TRDMT1: variants seen among roughly 807,000 people sequenced by gnomAD.
The protein encoded by TRDMT1 is tRNA aspartic acid methyltransferase 1, also known as tRNA (cytosine(38)-C(5))-methyltransferase.
Under a neutral mutation model 51.2 loss-of-function variants are expected in TRDMT1, and 49 were observed. The observed-to-expected ratio is 0.96, with a 90% CI of 0.76 to 1.21. TRDMT1 has a LOEUF of 1.21. Ranked by LOEUF, TRDMT1 falls within the 50% of genes most tolerant of loss-of-function variation. The probability of loss-of-function intolerance (pLI) is 0.00; values close to 1 mark genes in which losing one functional copy is unlikely to be tolerated. For synonymous variants in TRDMT1, 187 were observed against 164.6 expected (o/e 1.14, Z -1.04); for missense variants, 534 against 462.3 (o/e 1.16, Z -1.42).
intron 10 of TRDMT1, chr10:17,153,268 C>A (rs984410399): frequency 1.1e-5 from 6 of 527,618 alleles, no homozygotes; most frequent in Non-Finnish European, 2.0e-5. Flanking sequence ...ACCCTTCTAG[C>A]CATGCCAACC....
At chr10:17,165,488 G>A (rs1258048971) in intron 3 of TRDMT1, among the ~76,000 whole-genome samples, 1 of 152,110 alleles carries the variant, frequency 6.6e-6, no homozygotes, top group African/African-American at 2.4e-5. Context: ...AACACCAAAA[G>A]CAATGGCAAC....
chr10:17,151,919 G>A, intron 10 of TRDMT1: 1 of 1,149,060 alleles, frequency 8.7e-7, no homozygotes, highest in Non-Finnish European at 1.1e-6. Flanking sequence ...GGTTAAGGTG[G>A]GGCTGGGATA....
chr10:17,193,713 T>C (rs555091598), intron 1 of TRDMT1, among the ~76,000 whole-genome samples: 2 of 152,260 alleles, frequency 1.3e-5, no homozygotes, highest in African/African-American at 2.4e-5. Context: ...AAAATCAATG[T>C]TGTTAAAATG....
At chr10:17,169,526 G>A (rs1401961838) in intron 2 of TRDMT1, 1 of 1,289,674 alleles carries the variant, frequency 7.8e-7, no homozygotes, top group African/African-American at 1.5e-5. Context: ...AAACTGTGCT[G>A]TGTTGCTCCT....
At position 17,146,098 on chromosome 10, in the gene TRDMT1, C is replaced by T; in HGVS notation, c.*2942G>A. 1.0e-6 allele frequency: 1 copy of T among 985,410 alleles called. No individual in the cohort carries two copies. The highest frequency in any genetic ancestry group is 1.2e-6 in the Non-Finnish European group (1 of 829,926). 61.0% of individuals were successfully genotyped at this position (985,410 alleles called of 1,614,324 possible). ...ATGGTAGCAATACAGCCTTTCAGGG[C>T]AACTTAAAAGCCTCTCTACTAAATA... On this transcript the variant is annotated 3_prime_UTR_variant, in exon 11 of 11. Coordinates refer to ENST00000377799, the MANE Select transcript of TRDMT1 (RefSeq NM_004412.7).
At chr10:17,165,949 G>T (rs2131464557) in intron 3 of TRDMT1, among the ~76,000 whole-genome samples, 1 of 149,212 alleles carries the variant, frequency 6.7e-6, no homozygotes, top group South Asian at 2.1e-4. Context: ...CAACCATTGT[G>T]GAAGTCAGTG....
rs1009478114 is a variant in TRDMT1, at chr10:17,139,913, G to A, written c.*9127C>T. 2.0e-5 allele frequency among the ~76,000 whole-genome samples: 3 copies of A among 151,688 alleles called. No individual in the cohort carries two copies. Among genetic ancestry groups the A allele is most frequent in the East Asian group, 1.9e-4 (1 of 5,192 alleles). On this transcript the variant is annotated 3_prime_UTR_variant, in exon 11 of 11. Transcript: ENST00000377799. ...TAGTGACTTGGACCATATTTGTTACGGAAGTACTGCTAAATCAAGCTTTGT... is the reference window on the plus strand; with the variant it reads ...TAGTGACTTGGACCATATTTGTTACAGAAGTACTGCTAAATCAAGCTTTGT...
At chr10:17,160,464 G>T in intron 5 of TRDMT1, 90 bp from the exon 6 acceptor site, 1 of 905,116 alleles carries the variant, frequency 1.1e-6, no homozygotes. Context: ...TCTTTTGTTT[G>T]TTTTCTTGTT....
Position 17,148,673 on chromosome 10 carries a change from T to C in TRDMT1, c.*367A>G. Reference sequence around the variant, plus strand: ...AATTAGAAATAAAAAACTTCTTTAATTAACATAAAAATATGTTATGCCTGT... The same window carrying C: ...AATTAGAAATAAAAAACTTCTTTAACTAACATAAAAATATGTTATGCCTGT... On this transcript the variant is annotated 3_prime_UTR_variant, in exon 11 of 11. Coordinates refer to ENST00000377799, the MANE Select transcript of TRDMT1 (RefSeq NM_004412.7). The C allele has an allele frequency of 5.7e-6, 5 of 877,616 alleles. No homozygotes were observed. The highest frequency in any genetic ancestry group is 6.7e-6 in the Non-Finnish European group (5 of 746,522). The allele number at this position is 877,616 out of a possible 1,614,324, so 54.4% of individuals were successfully genotyped here.
At position 17,146,943 on chromosome 10, in the gene TRDMT1, G is replaced by A. The variant is rs2131360930; in HGVS notation, c.*2097C>T. The A allele has an allele frequency of 1.0e-6, 1 of 985,380 alleles. No individual in the cohort carries two copies. The highest frequency in any genetic ancestry group is 1.1e-4 in the East Asian group (1 of 8,820). The allele number at this position is 985,380 out of a possible 1,614,324, so 61.0% of individuals were successfully genotyped here. A position where few individuals can be genotyped will look rare whatever the true frequency, so the allele number is the denominator to read the frequency against. Reference sequence around the variant, plus strand: ...ATTTTCAATTATGAATTAAGGGCAAGAATCACCGTCTTCCTGTGAATACAT... The same window carrying A: ...ATTTTCAATTATGAATTAAGGGCAAAAATCACCGTCTTCCTGTGAATACAT... On this transcript the variant is annotated 3_prime_UTR_variant, in exon 11 of 11. Coordinates refer to ENST00000377799, the MANE Select transcript of TRDMT1 (RefSeq NM_004412.7).
intron 1 of TRDMT1, chr10:17,201,345 T>C: frequency 2.0e-6 from 1 of 511,570 alleles, no homozygotes; most frequent in East Asian, 3.5e-5. Context: ...AGGCGCCATG[T>C]GCGGCCCCTC....
rs1332977039 is a variant in TRDMT1, at chr10:17,145,619, C to T, written c.*3421G>A. 13 of 985,314 alleles carry T rather than the reference C, an allele frequency of 1.3e-5. No individual in the cohort carries two copies. Among genetic ancestry groups the T allele is most frequent in the Non-Finnish European group, 1.3e-5 (11 of 829,946 alleles). 61.0% of individuals were successfully genotyped at this position (985,314 alleles called of 1,614,324 possible). A position where few individuals can be genotyped will look rare whatever the true frequency, so the allele number is the denominator to read the frequency against. Reference sequence around the variant, plus strand: ...CGAAGGCCAAATTATGACAAGGTAACCTGTTCATAACATAAGCAATTCAGG... The same window carrying T: ...CGAAGGCCAAATTATGACAAGGTAATCTGTTCATAACATAAGCAATTCAGG... On this transcript the variant is annotated 3_prime_UTR_variant, in exon 11 of 11. Coordinates refer to ENST00000377799, the MANE Select transcript of TRDMT1 (RefSeq NM_004412.7).
chr10:17,155,765 G>C (rs1839411021), intron 8 of TRDMT1, among the ~76,000 whole-genome samples: 1 of 151,684 alleles, frequency 6.6e-6, no homozygotes, highest in Non-Finnish European at 1.5e-5. Flanking sequence ...GTCAAACCAG[G>C]AAAAAAATAA....
At chr10:17,158,202 T>C (rs1839830089) in intron 7 of TRDMT1, among the ~76,000 whole-genome samples, 1 of 152,090 alleles carries the variant, frequency 6.6e-6, no homozygotes, top group Non-Finnish European at 1.5e-5. Flanking sequence ...AGCTATGATC[T>C]AAAGGAAAAC....
intron 1 of TRDMT1, among the ~76,000 whole-genome samples, chr10:17,180,896 T>C (rs1181814221): frequency 6.6e-6 from 1 of 152,234 alleles, no homozygotes; most frequent in Non-Finnish European, 1.5e-5. Flanking sequence ...CAATTTCTCC[T>C]TAGTGCTCAG....
At chr10:17,201,474 C>CGCCCCACAGTGTCA in intron 1 of TRDMT1, 97 bp downstream of exon 1, 4 of 1,322,036 alleles carry the variant, frequency 3.0e-6, no homozygotes, top group Non-Finnish European at 4.2e-6. Context: ...CCACAGTGTC[C>CGCCCCACAGTGTCA]GCCCCTTGCG....
At position 17,141,543 on chromosome 10, in the gene TRDMT1, C is replaced by T. The variant is rs1837695385; in HGVS notation, c.*7497G>A. Among the ~76,000 whole-genome samples, 1 of 152,004 alleles carries T rather than the reference C, an allele frequency of 6.6e-6. No homozygotes were observed. The highest frequency in any genetic ancestry group is 6.6e-5 in the Admixed American group (1 of 15,260). ...TCTTTCAGCTCCATTTTTTTCCCCT[C>T]TACTTCTGGCACCCCAAACATATAA... On this transcript the variant is annotated 3_prime_UTR_variant, in exon 11 of 11. Coordinates refer to ENST00000377799, the MANE Select transcript of TRDMT1 (RefSeq NM_004412.7).
In TRDMT1 at chr10:17,201,617, C is replaced by G; in HGVS notation, c.18G>C (p.Val6=). MEPLR[V]LELYSGVGGM... ...CGCCCACGCCGCTGTATAGCTCCAG[C>G]ACCCGCAGGGGCTCCATCCCCGCGC... Residue 6 remains valine (V), a synonymous_variant, in exon 1 of 11, where the codon GTG becomes GTC. Coordinates refer to ENST00000377799, the MANE Select transcript of TRDMT1 (RefSeq NM_004412.7). The G allele has an allele frequency of 6.5e-7, 1 of 1,546,460 alleles. No homozygotes were observed.
At position 17,168,846 on chromosome 10, in the gene TRDMT1, G is replaced by A. The variant is rs750797475; in HGVS notation, c.246C>T (p.Phe82=). 6.2e-7 allele frequency: 1 copy of A among 1,607,596 alleles called. No homozygotes were observed. Among genetic ancestry groups the A allele is most frequent in the Non-Finnish European group, 8.5e-7 (1 of 1,174,840 alleles). Residue 82 remains phenylalanine, a synonymous_variant, in exon 3 of 11, where the codon TTC becomes TTT. Coordinates refer to ENST00000377799, the MANE Select transcript of TRDMT1 (RefSeq NM_004412.7). ...GAAATATTTATGACACATACCTTGT[G>A]AATGGCTGGCAGGGAGGGCTCATTA... The part of the protein sequence containing the change: ...MILMSPPCQP[F]TRIGRQGDMT...
Sources: allele counts gnomAD v4.1 joint callset (sites outside exome capture counted in the v4.1 genomes callset), GRCh38; gene constraint gnomAD v4.1.1; transcripts MANE v1.5; gene names NCBI Gene and HGNC (gene_info 2026-07-23, HGNC 2026-07-21).